Variants in TBC1D25 observed in about 807,000 individuals in gnomAD.
The protein encoded by TBC1D25 is TBC1 domain family member 25, also known as 5SN3 snoRNA.
In TBC1D25, 13 loss-of-function variants were observed where a neutral mutation model predicts 38.8. The ratio of observed to expected loss-of-function variants is 0.34; its 90% CI spans 0.22 to 0.53. The LOEUF is 0.53. Among genes scored for constraint, TBC1D25 ranks in the 20% least tolerant of loss-of-function variants. The pLI is 0.94. For missense variants in TBC1D25, 372 were observed against 600.0 expected, an observed-to-expected ratio of 0.62 and a Z score of 3.97; for synonymous variants, 225 against 255.6, an observed-to-expected ratio of 0.88 and a Z score of 1.14.
In TBC1D25 at chrX:48,539,831, G is replaced by T; in HGVS notation, c.34G>T (p.Gly12Cys). ...ATASGASDLS[G>C]SGAPPPGVGA... ...AGCCTCCGGGGCCTCGGACTTGTCT[G>T]GCTCCGGAGCGCCCCCGCCCGGTGT... Residue 12 changes from glycine (G) to cysteine (C), a missense_variant, in exon 1 of 6, where the codon GGC becomes TGC. Physicochemically the swap from Gly to Cys is radical, Grantham distance 159. This residue lies in a region of TBC1D25 where 60 missense variants were observed against 50.7 expected (regional missense o/e 1.18). Coordinates refer to ENST00000376771, the MANE Select transcript of TBC1D25 (RefSeq NM_002536.4). The T allele has an allele frequency of 1.0e-6, 1 of 967,513 alleles. No homozygotes were observed. 79.7% of individuals were successfully genotyped at this position (967,513 alleles called of 1,213,427 possible).
chrX:48,560,387 G>A lies in TBC1D25; in HGVS notation c.1479G>A (p.Gln493=), dbSNP rs782102154. Reference sequence around the variant, plus strand: ...TTGACCACCTGGCCACAGCCAGTCAGGGGCCTGGTGGTGGGGGGCGTCTCC... The same window carrying A: ...TTGACCACCTGGCCACAGCCAGTCAAGGGCCTGGTGGTGGGGGGCGTCTCC... ...DAVDHLATAS[Q]GPGGGGRLLR... is the part of the protein sequence containing the mutation. The change falls in exon 6 of 6, where the codon CAG becomes CAA. Residue 493 remains glutamine (Q), a synonymous_variant. Transcript: ENST00000376771. 1 of 1,211,639 alleles carries A rather than the reference G, an allele frequency of 8.3e-7. No homozygotes were observed. The highest frequency in any genetic ancestry group is 2.2e-5 in the Admixed American group (1 of 46,023).
intron 2 of TBC1D25, among the ~76,000 whole-genome samples, chrX:48,542,143 C>T (rs1442572060): frequency 3.9e-5 from 4 of 102,622 alleles, no homozygotes; most frequent in Non-Finnish European, 7.9e-5. Flanking sequence ...GGACTACAGG[C>T]ATGCACCACT....
chrX:48,553,166 TCC>T (rs1556983726), intron 3 of TBC1D25, among the ~76,000 whole-genome samples: 1 of 110,039 alleles, frequency 9.1e-6, no homozygotes, highest in South Asian at 3.7e-4. Context: ...GTTTCAGGAA[TCC>T]TAATGTAACA....
At chrX:48,545,166 C>T (rs1435477204) in intron 3 of TBC1D25, 143 bp downstream of exon 3, 68 of 717,256 alleles carry the variant, frequency 9.5e-5, no homozygotes, top group Non-Finnish European at 2.0e-6. Flanking sequence ...CACTAGGCCA[C>T]AATTTCTTCA....
chrX:48,558,157 T>C (rs1445561279), intron 3 of TBC1D25, among the ~76,000 whole-genome samples: 5 of 111,162 alleles, frequency 4.5e-5, no homozygotes, highest in Non-Finnish European at 5.7e-5. Flanking sequence ...GTTCCACTTT[T>C]GCACAAATAT....
intron 3 of TBC1D25, among the ~76,000 whole-genome samples, chrX:48,554,307 T>C (rs1308949905): frequency 9.1e-6 from 1 of 110,348 alleles, no homozygotes; most frequent in Non-Finnish European, 1.9e-5. Flanking sequence ...CCCAGCACTT[T>C]GGGAAGCTGA....
At position 48,559,862 on chromosome X, in the gene TBC1D25, C is replaced by T; in HGVS notation, c.954C>T (p.Leu318=). The change falls in exon 6 of 6, where the codon CTC becomes CTT. Residue 318 remains leucine, a synonymous_variant. Coordinates refer to ENST00000376771, the MANE Select transcript of TBC1D25 (RefSeq NM_002536.4). ...GPHLRALHDL[L]TTYAVTHPQV... The stretch of plus-strand genomic sequence containing the variant: ...ATCTACGGGCGCTGCACGACCTGCT[C>T]ACCACCTATGCCGTTACCCACCCAC... 2.5e-6 allele frequency: 3 copies of T among 1,211,860 alleles called. No individual in the cohort carries two copies. The highest frequency in any genetic ancestry group is 3.0e-5 in the East Asian group (1 of 33,836).
Position 48,539,733 on chromosome X carries a change from C to G in TBC1D25, c.-65C>G, listed in dbSNP as rs2061822226. On this transcript the variant is annotated 5_prime_UTR_variant, in exon 1 of 6. Transcript: ENST00000376771. ...CGAGGTGGGGCGGCGGGCGTCAGTA[C>G]AGTAGAGTGTGCGCCGGGGTGGGGG... 5 of 941,010 alleles carry G rather than the reference C, an allele frequency of 5.3e-6. No individual in the cohort carries two copies. The highest frequency in any genetic ancestry group is 5.4e-5 in the South Asian group (1 of 18,659). 77.5% of individuals were successfully genotyped at this position (941,010 alleles called of 1,213,427 possible).
chrX:48,561,010 G>C lies in TBC1D25; in HGVS notation c.*35G>C, dbSNP rs1242568600. ...CTCAAGCCCTCCATCGGCCCCACCA[G>C]ATCTCCATTCTTTGCCATGAGGGCC... On this transcript the variant is annotated 3_prime_UTR_variant, in exon 6 of 6. Transcript: ENST00000376771. The C allele has an allele frequency of 1.1e-5, 13 of 1,148,950 alleles. No individual in the cohort carries two copies. Among genetic ancestry groups the C allele is most frequent in the Non-Finnish European group, 1.5e-5 (13 of 867,445 alleles). 94.7% of individuals were successfully genotyped at this position (1,148,950 alleles called of 1,213,427 possible).
rs1556985614 is a variant in TBC1D25 at position 48,559,943 on chromosome X, G to A, written c.1035G>A (p.Met345Ile). The A allele has an allele frequency of 2.5e-6, 3 of 1,211,539 alleles. No homozygotes were observed. Among genetic ancestry groups the A allele is most frequent in the Non-Finnish European group, 3.4e-6 (3 of 895,485 alleles). The change falls in exon 6 of 6, where the codon ATG (methionine) becomes ATA (isoleucine). Residue 345 changes from methionine (M) to isoleucine (I), a missense_variant. Coordinates refer to ENST00000376771, the MANE Select transcript of TBC1D25 (RefSeq NM_002536.4). ...SDLASPILAVMDHEGHAFVCF... is the reference protein window; with the variant it reads ...SDLASPILAVIDHEGHAFVCF... The stretch of plus-strand genomic sequence containing the variant: ...TTGCCTCACCCATCCTCGCTGTCAT[G>A]GACCATGAGGGCCATGCCTTTGTTT...
Position 48,539,931 on chromosome X carries a change from C to G in TBC1D25, c.123+11C>G. On this transcript the variant is annotated intron_variant, in intron 1 of 5. Coordinates refer to ENST00000376771, the MANE Select transcript of TBC1D25 (RefSeq NM_002536.4). ...CGGGTCCGAGTCAAGGTGAGGCTGG[C>G]GGTGAGTCGGCCCAGCCGCCGAGGC... 1 of 948,730 alleles carries G rather than the reference C, an allele frequency of 1.1e-6. No homozygotes were observed. Among genetic ancestry groups the G allele is most frequent in the Non-Finnish European group, 1.3e-6 (1 of 758,307 alleles). 78.2% of individuals were successfully genotyped at this position (948,730 alleles called of 1,213,427 possible).
At position 48,559,955 on chromosome X, in the gene TBC1D25, C is replaced by G. The variant is rs782700426; in HGVS notation, c.1047C>G (p.Gly349=). 2.9e-5 allele frequency: 35 copies of G among 1,210,042 alleles called. No homozygotes were observed. Among genetic ancestry groups the G allele is most frequent in the Middle Eastern group, 2.3e-4 (1 of 4,373 alleles). ...SPILAVMDHE[G]HAFVCFCGIM... is the part of the protein sequence containing the mutation. The stretch of plus-strand genomic sequence containing the variant: ...TCCTCGCTGTCATGGACCATGAGGG[C>G]CATGCCTTTGTTTGCTTTTGTGGCA... The change falls in exon 6 of 6, where the codon GGC becomes GGG. Residue 349 remains glycine (G), a synonymous_variant. Coordinates refer to ENST00000376771, the MANE Select transcript of TBC1D25 (RefSeq NM_002536.4).
rs782443008 is a variant in TBC1D25 at position 48,548,112 on chromosome X, G to GT, written c.388+3099dup. On this transcript the variant is annotated intron_variant, in intron 3 of 5. Coordinates refer to ENST00000376771, the MANE Select transcript of TBC1D25 (RefSeq NM_002536.4). Reference sequence around the variant, plus strand: ...TCTGTTTGTTTGTTTGGTTTTGAGGGTTTTTTTTTTGTTTTTTTTTTGAGA... The same window carrying GT: ...TCTGTTTGTTTGTTTGGTTTTGAGGGTTTTTTTTTTTGTTTTTTTTTTGAGA... 1.9e-3 allele frequency among the ~76,000 whole-genome samples: 191 copies of GT among 100,889 alleles called. 2 individuals are homozygous for GT. The highest frequency in any genetic ancestry group is 0.011 in the East Asian group (36 of 3,256). 87.6% of individuals were successfully genotyped at this position (100,889 alleles called of 115,157 possible).
At chrX:48,550,092 T>A (rs1018173700) in intron 3 of TBC1D25, among the ~76,000 whole-genome samples, 1 of 110,227 alleles carries the variant, frequency 9.1e-6, no homozygotes, top group Non-Finnish European at 1.9e-5. Flanking sequence ...GTTCAAGCAA[T>A]TCTCCTGACT....
At position 48,550,051 on chromosome X, in the gene TBC1D25, A is replaced by G. The variant is rs782223937; in HGVS notation, c.388+5028A>G. Among the ~76,000 whole-genome samples, 19 of 109,910 alleles carry G rather than the reference A, an allele frequency of 1.7e-4. No homozygotes were observed. The South Asian group carries it at 7.1e-3, about 41-fold the overall frequency. On this transcript the variant is annotated intron_variant, in intron 3 of 5. Transcript: ENST00000376771. The stretch of plus-strand genomic sequence containing the variant: ...GCCCAGGCAGGAGTGCAGTTGCACA[A>G]TCTCAGCTCACTGCAGCCGCCGTCT...
In TBC1D25 at chrX:48,539,940, G is replaced by C. The variant is rs782421148; in HGVS notation, c.123+20G>C. 21 of 946,349 alleles carry C rather than the reference G, an allele frequency of 2.2e-5. No individual in the cohort carries two copies. Among genetic ancestry groups the C allele is most frequent in the Non-Finnish European group, 2.5e-5 (19 of 757,742 alleles). 78.0% of individuals were successfully genotyped at this position (946,349 alleles called of 1,213,427 possible). Reference sequence around the variant, plus strand: ...GTCAAGGTGAGGCTGGCGGTGAGTCGGCCCAGCCGCCGAGGCATCCCAGGG... The same window carrying C: ...GTCAAGGTGAGGCTGGCGGTGAGTCCGCCCAGCCGCCGAGGCATCCCAGGG... On this transcript the variant is annotated intron_variant, in intron 1 of 5. Coordinates refer to ENST00000376771, the MANE Select transcript of TBC1D25 (RefSeq NM_002536.4).
At chrX:48,550,213 A>C (rs2061918909) in intron 3 of TBC1D25, among the ~76,000 whole-genome samples, 1 of 110,076 alleles carries the variant, frequency 9.1e-6, no homozygotes, top group Admixed American at 9.8e-5. Context: ...TGTCGAACTT[A>C]TGACCTCAGG....
chrX:48,551,121 C>T (rs781920337), intron 3 of TBC1D25, among the ~76,000 whole-genome samples: 5 of 111,507 alleles, frequency 4.5e-5, no homozygotes, highest in South Asian at 3.7e-4. Context: ...AGGAAATGCG[C>T]GTATCATGAA....
rs1159911406 is a variant in TBC1D25 at position 48,559,196 on chromosome X, C to T, written c.555C>T (p.Ser185=). The T allele has an allele frequency of 1.7e-6, 2 of 1,211,301 alleles. No individual in the cohort carries two copies. The highest frequency in any genetic ancestry group is 2.2e-6 in the Non-Finnish European group (2 of 895,367). ...TGTCTAAGGTCCAACAAGTGCTGAG[C>T]TGGTCGTATGGGGAAGATGTCAAGC... ...RTLSKVQQVL[S]WSYGEDVKPF... is the part of the protein sequence containing the mutation. Residue 185 remains serine (S), a synonymous_variant, in exon 5 of 6, where the codon AGC becomes AGT. Coordinates refer to ENST00000376771, the MANE Select transcript of TBC1D25 (RefSeq NM_002536.4).
Sources: allele counts gnomAD v4.1 joint callset (sites outside exome capture counted in the v4.1 genomes callset), GRCh38; gene constraint gnomAD v4.1.1; regional missense constraint gnomAD v4.1.1; transcripts MANE v1.5; gene names NCBI Gene and HGNC (gene_info 2026-07-23, HGNC 2026-07-21).